Variants in ZFAT observed in about 807,000 individuals in gnomAD.
The protein encoded by ZFAT is zinc finger protein ZFAT.
In ZFAT, 64 loss-of-function variants were observed where a neutral mutation model predicts 117.7. That is an observed-to-expected ratio of 0.54 (90% CI 0.44 to 0.67). The LOEUF is 0.67. ZFAT is among the 30% of genes least tolerant of loss of function. The pLI is 0.00. For synonymous variants in ZFAT, 679 were observed against 615.0 expected, an observed-to-expected ratio of 1.10 and a Z score of -1.54; for missense variants, 1,433 against 1,584.5, an observed-to-expected ratio of 0.90 and a Z score of 1.62.
At position 134,637,556 on chromosome 8, in the gene ZFAT, C is replaced by T. The variant is rs1453921653; in HGVS notation, c.353G>A (p.Cys118Tyr). The T allele has an allele frequency of 1.2e-6, 2 of 1,614,130 alleles. No homozygotes were observed. Among genetic ancestry groups the T allele is most frequent in the African/African-American group, 2.7e-5 (2 of 74,940 alleles). The change falls in exon 3 of 16, where the codon TGT (cysteine) becomes TAT (tyrosine). Residue 118 changes from cysteine to tyrosine, a missense_variant. Around this residue, in one of 5 missense-constraint regions of ZFAT, gnomAD observed 436 missense variants for 482.0 expected, o/e 0.90. Coordinates refer to ENST00000377838, the MANE Select transcript of ZFAT (RefSeq NM_020863.4). Reference sequence around the variant, plus strand: ...GGAGAACTTCCGACAGCACTTGCTACACTCCAAGCTGCTTGGAGGCAGGCT... The same window carrying T: ...GGAGAACTTCCGACAGCACTTGCTATACTCCAAGCTGCTTGGAGGCAGGCT... ...GNSLPPSSLE[C>Y]SKCCRKFSNT...
intron 2 of ZFAT, among the ~76,000 whole-genome samples, chr8:134,646,536 C>A (rs751802534): frequency 1.3e-5 from 2 of 151,314 alleles, no homozygotes; most frequent in African/African-American, 4.9e-5. Context: ...CCAAAGTGAG[C>A]AGATGGAAGG....
intron 10 of ZFAT, among the ~76,000 whole-genome samples, chr8:134,582,886 G>A (rs1825804784): frequency 2.0e-5 from 3 of 152,120 alleles, no homozygotes; most frequent in African/African-American, 7.2e-5. Context: ...GATTTCTATA[G>A]TAAACTCCAA....
Position 134,578,325 on chromosome 8 carries a change from C to T in ZFAT, c.2887+5507G>A, listed in dbSNP as rs565793722. ...ACTCGGGAGGCTGAGGCAGGAGAAT[C>T]GCTTGAACCTGGGAGGCAGAGGTTG... On this transcript the variant is annotated intron_variant, in intron 10 of 15. Transcript: ENST00000377838. 8.0e-5 allele frequency among the ~76,000 whole-genome samples: 12 copies of T among 149,268 alleles called. No homozygotes were observed. In the South Asian group the frequency reaches 2.6e-3, roughly 32 times the overall value.
intron 3 of ZFAT, among the ~76,000 whole-genome samples, chr8:134,635,664 ACAGG>A (rs1830167378): frequency 1.3e-5 from 2 of 149,940 alleles, no homozygotes; most frequent in Non-Finnish European, 3.0e-5. Flanking sequence ...AGAGAGAGAG[ACAGG>A]GAGAGAGAGA....
chr8:134,637,051 C>A (rs1229148044), intron 3 of ZFAT, among the ~76,000 whole-genome samples: 1 of 152,250 alleles, frequency 6.6e-6, no homozygotes, highest in Non-Finnish European at 1.5e-5. Flanking sequence ...CAATTCAATG[C>A]CACCCAAACT....
intron 10 of ZFAT, among the ~76,000 whole-genome samples, chr8:134,572,350 T>C (rs1257527454): frequency 1.3e-5 from 2 of 152,206 alleles, no homozygotes; most frequent in African/African-American, 4.8e-5. Context: ...CTGTCTGTGC[T>C]CTAACAGAAA....
At chr8:134,485,082 G>A (rs7840312) in intron 15 of ZFAT, among the ~76,000 whole-genome samples, 13 of 152,206 alleles carry the variant, frequency 8.5e-5, no homozygotes, top group Admixed American at 2.6e-4. Context: ...AAGAGTCTAC[G>A]TGTATTAGGT....
chr8:134,783,004 T>TG, the ZFAT span, among the ~76,000 whole-genome samples: 2 of 152,032 alleles, frequency 1.3e-5, no homozygotes, highest in African/African-American at 4.8e-5. Context: ...CACACACACA[T>TG]TTATTTTCAA....
At chr8:134,689,708 T>G (rs1833504348) in intron 1 of ZFAT, among the ~76,000 whole-genome samples, 1 of 152,218 alleles carries the variant, frequency 6.6e-6, no homozygotes, top group Admixed American at 6.5e-5. Flanking sequence ...ACTTTTTTCT[T>G]AAAAGGTACT....
chr8:134,563,215 C>T (rs1194294537), intron 11 of ZFAT, among the ~76,000 whole-genome samples: 1 of 152,206 alleles, frequency 6.6e-6, no homozygotes, highest in Non-Finnish European at 1.5e-5. Flanking sequence ...CATATGAGTC[C>T]TACCTAAGAA....
chr8:134,719,400 G>A, the ZFAT span, among the ~76,000 whole-genome samples: 17 of 152,160 alleles, frequency 1.1e-4, no homozygotes, highest in Non-Finnish European at 1.9e-4. Flanking sequence ...CCACGGGTGG[G>A]GGCGAATCAA....
At chr8:134,745,359 A>T in the ZFAT span, among the ~76,000 whole-genome samples, 1 of 152,186 alleles carries the variant, frequency 6.6e-6, no homozygotes, top group Admixed American at 6.5e-5. Flanking sequence ...GCAATGGTTA[A>T]GACAGTCCTG....
chr8:134,713,713 T>A (rs1814129089), upstream of ZFAT, among the ~76,000 whole-genome samples: 1 of 152,120 alleles, frequency 6.6e-6, no homozygotes, highest in African/African-American at 2.4e-5. Context: ...ATTTAATGAC[T>A]TTGTTTTTGG....
the ZFAT span, among the ~76,000 whole-genome samples, chr8:134,831,004 C>T: frequency 2.0e-5 from 3 of 152,182 alleles, no homozygotes; most frequent in Non-Finnish European, 2.9e-5. Flanking sequence ...TCGTAAATTA[C>T]TTTCAGAGAA....
chr8:134,515,813 G>A (rs113128947), intron 13 of ZFAT, among the ~76,000 whole-genome samples: 1 of 151,998 alleles, frequency 6.6e-6, no homozygotes, highest in Non-Finnish European at 1.5e-5. Context: ...CCCTGCCCCA[G>A]GATTATTCTG....
intron 11 of ZFAT, chr8:134,564,898 C>T (rs1391985607): frequency 1.8e-6 from 2 of 1,142,346 alleles, no homozygotes; most frequent in Admixed American, 3.7e-5. Context: ...ATGCTGGGCA[C>T]TGTGGTGGAC....
intron 10 of ZFAT, among the ~76,000 whole-genome samples, chr8:134,574,965 C>T (rs1825193169): frequency 6.6e-6 from 1 of 151,832 alleles, no homozygotes. Flanking sequence ...TTGCACTGTG[C>T]CTTCCTAATA....
At chr8:134,813,353 G>T in the ZFAT span, among the ~76,000 whole-genome samples, 1 of 152,168 alleles carries the variant, frequency 6.6e-6, no homozygotes, top group Non-Finnish European at 1.5e-5. Context: ...TTATCCTCAT[G>T]TGACCAAAGA....
chr8:134,800,392 T>A, the ZFAT span: 2 of 398,158 alleles, frequency 5.0e-6, no homozygotes, highest in East Asian at 1.6e-4. Flanking sequence ...ATTAACACAC[T>A]TTTTCTCTGG....
Sources: gnomAD v4.1 joint callset for allele counts (sites outside exome capture counted in the v4.1 genomes callset) on GRCh38, gnomAD v4.1.1 for gene constraint, gnomAD v4.1.1 regional missense constraint, MANE v1.5 for transcripts, NCBI Gene and HGNC (gene_info 2026-07-23, HGNC 2026-07-21) for gene names.